SMAD2: variants seen among roughly 807,000 people sequenced by gnomAD.
SMAD2 encodes the protein MAD homolog 2.
In SMAD2, 8 loss-of-function variants were observed where a neutral mutation model predicts 64.4. The ratio of observed to expected loss-of-function variants is 0.12; its 90% confidence interval spans 0.07 to 0.22. The LOEUF is 0.22. Among genes scored for constraint, SMAD2 ranks in the 10% least tolerant of loss-of-function variants. The pLI is 1.00. For missense variants in SMAD2, 289 were observed against 561.2 expected (o/e 0.51, Z 4.90); for synonymous variants, 203 against 195.8 (o/e 1.04, Z -0.31).
At position 47,908,562 on chromosome 18, in the gene SMAD2, T is replaced by C. The variant is rs1568106242; in HGVS notation, c.-53-11753A>G. Among the ~76,000 whole-genome samples the C allele has an allele frequency of 3.3e-5, 5 of 152,232 alleles. No individual in the cohort carries two copies. In the South Asian group the frequency reaches 1.0e-3, roughly 32 times the overall value. On this transcript the variant is annotated intron_variant, in intron 1 of 10. Coordinates refer to ENST00000262160, the MANE Select transcript of SMAD2 (RefSeq NM_005901.6). Reference sequence around the variant, plus strand: ...CATCATGAAATACAAAAATCTACTATAAAAAGTTAAAATTTATCAAAACTT... The same window carrying C: ...CATCATGAAATACAAAAATCTACTACAAAAAGTTAAAATTTATCAAAACTT...
chr18:47,930,138 C>G (rs2034940942), intron 1 of SMAD2: 1 of 152,308 alleles, frequency 6.6e-6, no homozygotes, highest in South Asian at 2.1e-4. Flanking sequence ...GCAGGCAGCC[C>G]CCGCCCCCGT....
chr18:47,868,127 ACTC>A, intron 5 of SMAD2, 193 bp downstream of exon 5: 1 of 573,016 alleles, frequency 1.7e-6, no homozygotes, highest in Non-Finnish European at 3.1e-6. Flanking sequence ...ATAAAGTAAA[ACTC>A]TTCTCCAAAC....
At chr18:47,868,292 A>C in intron 5 of SMAD2, 31 bp downstream of exon 5, 1 of 1,592,292 alleles carries the variant, frequency 6.3e-7, no homozygotes, top group Non-Finnish European at 8.6e-7. Context: ...GTATCTATCC[A>C]AGTTTTAGGA....
chr18:47,854,405 TCTCA>T (rs202098567), intron 6 of SMAD2, among the ~76,000 whole-genome samples: 5,429 of 152,308 alleles, frequency 0.036, 141 homozygotes, highest in Admixed American at 0.05. Context: ...AAATGTTTCA[TCTCA>T]CTAAGAATTT....
At position 47,816,223 on chromosome 18, in the gene SMAD2, G is replaced by C. The variant is rs1912361193; in HGVS notation, c.*25604C>G. The C allele has an allele frequency of 6.6e-6, 1 of 152,134 alleles. No individual in the cohort carries two copies. The highest frequency in any genetic ancestry group is 1.5e-5 in the Non-Finnish European group (1 of 68,030). The allele number at this position is 152,134 out of a possible 1,614,324, so 9.4% of individuals were successfully genotyped here. A position where few individuals can be genotyped will look rare whatever the true frequency, so the allele number is the denominator to read the frequency against. ...GTGGAAGTGAGTTTGAGATAAAAAG[G>C]AATTTATTTATTTGCACCTATGTAT... On this transcript the variant is annotated 3_prime_UTR_variant, in exon 11 of 11. Transcript: ENST00000262160.
chr18:47,870,279 T>C (rs1042513550), intron 3 of SMAD2, among the ~76,000 whole-genome samples, 196 bp downstream of exon 3: 2 of 152,198 alleles, frequency 1.3e-5, no homozygotes, highest in African/African-American at 4.8e-5. Context: ...AAACTAGAAT[T>C]GCATTGATTA....
At chr18:47,849,556 C>G (rs1914886105) in intron 7 of SMAD2, among the ~76,000 whole-genome samples, 1 of 151,670 alleles carries the variant, frequency 6.6e-6, no homozygotes, top group Non-Finnish European at 1.5e-5. Context: ...ACCGGCTCCC[C>G]CTAACTAAAA....
intron 1 of SMAD2, among the ~76,000 whole-genome samples, chr18:47,905,563 T>C (rs947059810): frequency 6.6e-6 from 1 of 151,806 alleles, no homozygotes. Context: ...ATCAAGAGTA[T>C]AGAGTAGGCA....
intron 1 of SMAD2, among the ~76,000 whole-genome samples, chr18:47,908,206 G>A (rs2033981349): frequency 6.6e-6 from 1 of 152,192 alleles, no homozygotes; most frequent in African/African-American, 2.4e-5. Context: ...AGTACATGTA[G>A]GCAAATGTTC....
At chr18:47,919,539 AAAG>A (rs1448766468) in intron 1 of SMAD2, among the ~76,000 whole-genome samples, 4 of 151,908 alleles carry the variant, frequency 2.6e-5, no homozygotes, top group East Asian at 1.9e-4. Context: ...GAGATCTAAC[AAAG>A]AAGAAAAAAT....
Position 47,842,092 on chromosome 18 carries a change from A to G in SMAD2, c.1281-142T>C, listed in dbSNP as rs971024237. The G allele has an allele frequency of 4.7e-6, 4 of 846,744 alleles. No homozygotes were observed. In the East Asian group the frequency reaches 1.1e-4, roughly 22 times the overall value. 52.5% of individuals were successfully genotyped at this position (846,744 alleles called of 1,614,324 possible). ...ATTTTGGACACGATTATTCCGCAAAATGGTTGATCCTCAAAGTCAAAGTAC... is the reference window on the plus strand; with the variant it reads ...ATTTTGGACACGATTATTCCGCAAAGTGGTTGATCCTCAAAGTCAAAGTAC... On this transcript the variant is annotated intron_variant, in intron 10 of 10. Transcript: ENST00000262160.
chr18:47,872,582 G>A (rs1440303404), intron 2 of SMAD2, among the ~76,000 whole-genome samples: 1 of 152,128 alleles, frequency 6.6e-6, no homozygotes, highest in Non-Finnish European at 1.5e-5. Context: ...TAGGAACCAG[G>A]ACACACAGCA....
At chr18:47,889,770 CAAA>C (rs762837949) in intron 2 of SMAD2, among the ~76,000 whole-genome samples, 3 of 95,162 alleles carry the variant, frequency 3.2e-5, no homozygotes, top group African/African-American at 3.9e-5. Flanking sequence ...GACTCCATCT[CAAA>C]AAAAAAAAAA....
At chr18:47,880,954 T>C (rs555127018) in intron 2 of SMAD2, among the ~76,000 whole-genome samples, 26 of 152,302 alleles carry the variant, frequency 1.7e-4, no homozygotes, top group African/African-American at 5.8e-4. Context: ...CTTGCTGATA[T>C]TCACTCCTCA....
intron 6 of SMAD2, among the ~76,000 whole-genome samples, chr18:47,851,630 A>G (rs1463810177): frequency 6.6e-6 from 1 of 152,172 alleles, no homozygotes; most frequent in Non-Finnish European, 1.5e-5. Flanking sequence ...TATGAACCAC[A>G]TAAGCAAATA....
intron 2 of SMAD2, among the ~76,000 whole-genome samples, chr18:47,894,925 T>C (rs949238593): frequency 2.0e-5 from 3 of 152,148 alleles, no homozygotes; most frequent in Non-Finnish European, 2.9e-5. Flanking sequence ...CAGTTCCACT[T>C]CTAAAACCCA....
At chr18:47,901,267 T>G (rs1014918790) in intron 1 of SMAD2, among the ~76,000 whole-genome samples, 6 of 152,186 alleles carry the variant, frequency 3.9e-5, no homozygotes, top group Non-Finnish European at 8.8e-5. Context: ...GTAGTTCTCT[T>G]TTTCTACTAC....
At chr18:47,887,523 G>A (rs1037558047) in intron 2 of SMAD2, among the ~76,000 whole-genome samples, 4 of 152,174 alleles carry the variant, frequency 2.6e-5, no homozygotes, top group Non-Finnish European at 5.9e-5. Flanking sequence ...TCTCAGGCTT[G>A]TCTGCTTGGA....
At chr18:47,849,756 C>T (rs1394076413) in intron 7 of SMAD2, among the ~76,000 whole-genome samples, 1 of 151,866 alleles carries the variant, frequency 6.6e-6, no homozygotes, top group African/African-American at 2.4e-5. Flanking sequence ...GCCTGTAATC[C>T]CAGCACTTTA....
Sources: gnomAD v4.1 joint callset for allele counts (sites outside exome capture counted in the v4.1 genomes callset) on GRCh38, gnomAD v4.1.1 for gene constraint, MANE v1.5 for transcripts, NCBI Gene and HGNC (gene_info 2026-07-23, HGNC 2026-07-21) for gene names.